The following NBEA variants were observed in gnomAD, a reference collection of about 807,000 sequenced individuals.
NBEA encodes neurobeachin.
In NBEA, 44 loss-of-function variants were observed where a neutral mutation model predicts 343.4. The observed-to-expected ratio is 0.13, with a 90% CI of 0.10 to 0.16. NBEA has a LOEUF of 0.16. NBEA is among the 10% of genes least tolerant of loss of function. NBEA has a pLI of 1.00. For missense variants in NBEA, 2,555 were observed against 3,631.3 expected (o/e 0.70, Z 7.62); for synonymous variants, 1,175 against 1,238.7 (o/e 0.95, Z 1.08).
At chr13:35,054,288 T>C (rs1001529100) in intron 6 of NBEA, among the ~76,000 whole-genome samples, 2 of 152,150 alleles carry the variant, frequency 1.3e-5, no homozygotes, top group African/African-American at 4.8e-5. Context: ...AAACTTTAAT[T>C]CTTATACTTG....
chr13:34,970,662 G>A (rs1234208745), intron 1 of NBEA, among the ~76,000 whole-genome samples: 2 of 151,998 alleles, frequency 1.3e-5, no homozygotes, highest in Non-Finnish European at 2.9e-5. Context: ...GCTTGTTTTT[G>A]TCAGGTTTGT....
At chr13:35,653,807 G>A (rs1566466742) in intron 53 of NBEA, among the ~76,000 whole-genome samples, 1 of 152,152 alleles carries the variant, frequency 6.6e-6, no homozygotes, top group Non-Finnish European at 1.5e-5. Context: ...TCTCTTTCCA[G>A]TAGACATTGA....
chr13:35,593,323 C>T lies in NBEA; in HGVS notation c.7177-5C>T, dbSNP rs200597506. On this transcript the variant is annotated splice_region_variant and splice_polypyrimidine_tract_variant and intron_variant, in intron 46 of 58. Transcript: ENST00000379939. ...TCAAATTTCTGATTCTGTTTTTTTG[C>T]TTAGGAACCTTTCACAACCTTCTTC... 7.1e-5 allele frequency: 115 copies of T among 1,611,006 alleles called. No individual in the cohort carries two copies. The African/African-American group carries it at 1.2e-3, about 16-fold the overall frequency.
At chr13:35,201,352 T>G (rs944199218) in intron 31 of NBEA, among the ~76,000 whole-genome samples, 2 of 152,030 alleles carry the variant, frequency 1.3e-5, no homozygotes, top group African/African-American at 4.8e-5. Context: ...CTTAAACATA[T>G]TTTTTTATAT....
chr13:35,426,520 T>C (rs1240156424), intron 38 of NBEA, among the ~76,000 whole-genome samples: 1 of 152,238 alleles, frequency 6.6e-6, no homozygotes, highest in Non-Finnish European at 1.5e-5. Flanking sequence ...GATCAGCTGT[T>C]AGTCTGATGG....
intron 41 of NBEA, among the ~76,000 whole-genome samples, chr13:35,513,257 C>G (rs1201134927): frequency 6.7e-6 from 1 of 150,050 alleles, no homozygotes; most frequent in Non-Finnish European, 1.5e-5. Context: ...CTGCCTCAGC[C>G]TCCCGAGTAG....
intron 39 of NBEA, among the ~76,000 whole-genome samples, chr13:35,450,005 G>C (rs1187687043): frequency 1.3e-5 from 2 of 152,118 alleles, no homozygotes; most frequent in Non-Finnish European, 2.9e-5. Context: ...ATGTGACTAT[G>C]TTCCTCAACA....
chr13:35,576,099 G>C (rs2080724713), intron 45 of NBEA, among the ~76,000 whole-genome samples: 1 of 150,954 alleles, frequency 6.6e-6, no homozygotes, highest in African/African-American at 2.4e-5. Flanking sequence ...GATAATAGAA[G>C]TTTTTTGTTT....
At chr13:35,007,318 A>T (rs1593441933) in intron 1 of NBEA, among the ~76,000 whole-genome samples, 1 of 152,280 alleles carries the variant, frequency 6.6e-6, no homozygotes, top group East Asian at 1.9e-4. Context: ...TACTATGTCC[A>T]TATGACTGAA....
At chr13:35,522,925 A>G (rs879531918) in intron 41 of NBEA, among the ~76,000 whole-genome samples, 2 of 151,036 alleles carry the variant, frequency 1.3e-5, no homozygotes, top group South Asian at 2.1e-4. Flanking sequence ...GACTGCTGCT[A>G]AGAGACTTAC....
intron 1 of NBEA, among the ~76,000 whole-genome samples, chr13:34,999,598 AT>A (rs1343491180): frequency 1.3e-5 from 2 of 151,836 alleles, no homozygotes; most frequent in African/African-American, 4.8e-5. Context: ...GTCATTAGTG[AT>A]TTTTTTTAAA....
intron 38 of NBEA, among the ~76,000 whole-genome samples, chr13:35,352,699 T>C (rs1594318713): frequency 6.6e-6 from 1 of 152,244 alleles, no homozygotes; most frequent in East Asian, 1.9e-4. Context: ...ATTTATATCA[T>C]TCTTTTTTAT....
intron 45 of NBEA, among the ~76,000 whole-genome samples, chr13:35,575,319 A>C (rs906232099): frequency 6.6e-6 from 1 of 152,208 alleles, no homozygotes; most frequent in African/African-American, 2.4e-5. Context: ...GGAATGTTTA[A>C]TCCACACTTA....
intron 41 of NBEA, among the ~76,000 whole-genome samples, chr13:35,492,728 A>C (rs2076543770): frequency 6.6e-6 from 1 of 151,950 alleles, no homozygotes; most frequent in Non-Finnish European, 1.5e-5. Flanking sequence ...GTGGAAGATA[A>C]ATTTGTAGAT....
rs1215783930 is a variant in NBEA, at chr13:35,472,381, C to G, written c.6449-19C>G. The G allele has an allele frequency of 8.7e-6, 14 of 1,611,104 alleles. No homozygotes were observed. The Admixed American group carries it at 1.2e-4, about 13-fold the overall frequency. The stretch of plus-strand genomic sequence containing the variant: ...GGCCACAGGGGCTCAGCCTGACTCC[C>G]CTTGTCCTTGCCTTGCAGGCCCAGT... On this transcript the variant is annotated intron_variant, in intron 40 of 58. Coordinates refer to ENST00000379939, the MANE Select transcript of NBEA (RefSeq NM_001385012.1).
At chr13:35,208,655 C>A (rs754786618) in intron 31 of NBEA, 45 bp from the exon 32 acceptor site, 3 of 1,482,082 alleles carry the variant, frequency 2.0e-6, no homozygotes, top group South Asian at 1.4e-5. Context: ...TATAATTCAT[C>A]TTCAACCTCA....
At chr13:35,482,231 T>C (rs2076146051) in intron 41 of NBEA, among the ~76,000 whole-genome samples, 1 of 151,662 alleles carries the variant, frequency 6.6e-6, no homozygotes, top group Admixed American at 6.6e-5. Flanking sequence ...AGAAAACGAT[T>C]ACCTTTTATC....
At chr13:35,427,195 G>A (rs1391578904) in intron 38 of NBEA, among the ~76,000 whole-genome samples, 2 of 152,212 alleles carry the variant, frequency 1.3e-5, no homozygotes, top group Non-Finnish European at 2.9e-5. Flanking sequence ...TTCCTTTGGA[G>A]GAGGAGAGGC....
At chr13:35,646,178 T>C in intron 50 of NBEA, 81 bp from the exon 51 acceptor site, 4 of 1,078,874 alleles carry the variant, frequency 3.7e-6, no homozygotes, top group Non-Finnish European at 5.5e-6. Flanking sequence ...TGACTTGGGA[T>C]ACACTTGCGT....
Sources: gnomAD v4.1 joint callset for allele counts (sites outside exome capture counted in the v4.1 genomes callset) on GRCh38, gnomAD v4.1.1 for gene constraint, MANE v1.5 for transcripts, NCBI Gene and HGNC (gene_info 2026-07-23, HGNC 2026-07-21) for gene names.